GREM2: variants seen among roughly 807,000 people sequenced by gnomAD.
The protein encoded by GREM2 is gremlin 2, DAN family BMP antagonist.
GREM2 carries 11 observed loss-of-function variants against 14.2 expected under a neutral mutation model. The ratio of observed to expected loss-of-function variants is 0.78; its 90% CI spans 0.49 to 1.28. The LOEUF (loss-of-function observed/expected upper bound fraction) is 1.28, where lower values mean the gene tolerates loss of function less well. Among genes scored for constraint, GREM2 ranks in the 50% most tolerant of loss-of-function variants. GREM2 has a pLI of 0.00. For synonymous variants in GREM2, 98 were observed against 97.6 expected (o/e 1.00, Z -0.02); for missense variants, 210 against 218.5 (o/e 0.96, Z 0.24).
At chr1:240,511,796 GT>G (rs1371427036) in intron 1 of GREM2, among the ~76,000 whole-genome samples, 1 of 152,154 alleles carries the variant, frequency 6.6e-6, no homozygotes, top group Non-Finnish European at 1.5e-5. Context: ...GTGGATTTCA[GT>G]ATACTTGGAG....
chr1:240,579,527 C>A (rs1263171678), intron 1 of GREM2, among the ~76,000 whole-genome samples: 3 of 152,120 alleles, frequency 2.0e-5, no homozygotes, highest in Non-Finnish European at 4.4e-5. Flanking sequence ...AACAACAGAG[C>A]AAGCATTCTT....
chr1:240,602,141 C>T (rs1679936848), intron 1 of GREM2, among the ~76,000 whole-genome samples: 1 of 152,118 alleles, frequency 6.6e-6, no homozygotes, highest in Non-Finnish European at 1.5e-5. Context: ...AAACACTTTG[C>T]CTCCCTAGAA....
intron 1 of GREM2, among the ~76,000 whole-genome samples, chr1:240,512,728 G>T (rs987695029): frequency 1.3e-5 from 2 of 152,092 alleles, no homozygotes; most frequent in Admixed American, 6.6e-5. Flanking sequence ...TTCCATATAA[G>T]GTTTCATGTA....
chr1:240,516,800 ATTG>A (rs1677965790), intron 1 of GREM2, among the ~76,000 whole-genome samples: 1 of 152,160 alleles, frequency 6.6e-6, no homozygotes, highest in African/African-American at 2.4e-5. Flanking sequence ...CTGAGCCAGA[ATTG>A]TGGGTTTTAA....
Position 240,542,486 on chromosome 1 carries a change from G to A in GREM2, c.-1-49010C>T, listed in dbSNP as rs1281995464. ...AAAAATTAGCTGGGTGTGGTGGTGC[G>A]CACCTGTAGTCCCAGCTACTCGGGA... On this transcript the variant is annotated intron_variant, in intron 1 of 1. Coordinates refer to ENST00000318160, the MANE Select transcript of GREM2 (RefSeq NM_022469.4). The surrounding 1 kb of genome is among the most constrained non-coding windows in gnomAD (Gnocchi z 4.1). 2.0e-5 allele frequency among the ~76,000 whole-genome samples: 3 copies of A among 150,302 alleles called. No individual in the cohort carries two copies. Among genetic ancestry groups the A allele is most frequent in the South Asian group, 2.1e-4 (1 of 4,760 alleles).
chr1:240,560,446 AT>A (rs1301287933), intron 1 of GREM2, among the ~76,000 whole-genome samples: 4 of 152,286 alleles, frequency 2.6e-5, no homozygotes, highest in African/African-American at 9.6e-5. Context: ...GAGAGAGTGG[AT>A]TGATTCTCAC....
chr1:240,508,367 T>C (rs1309502725), intron 1 of GREM2, among the ~76,000 whole-genome samples: 3 of 152,192 alleles, frequency 2.0e-5, no homozygotes, highest in African/African-American at 7.2e-5. Flanking sequence ...GTTAGGAGAA[T>C]CAGTTCTTGG....
chr1:240,567,944 A>G (rs1372014728), intron 1 of GREM2, among the ~76,000 whole-genome samples: 1 of 152,088 alleles, frequency 6.6e-6, no homozygotes, highest in African/African-American at 2.4e-5. Context: ...CCCTGTCTCT[A>G]CTAAAAATAC....
intron 1 of GREM2, among the ~76,000 whole-genome samples, chr1:240,608,968 T>C (rs1680082997): frequency 6.6e-6 from 1 of 152,162 alleles, no homozygotes. Context: ...GTACATCAAA[T>C]GCATTTATTT....
intron 1 of GREM2, among the ~76,000 whole-genome samples, chr1:240,526,202 G>A (rs77046541): frequency 0.015 from 2,251 of 152,236 alleles, 46 homozygotes; most frequent in African/African-American, 0.051. Context: ...CATCTTTGGA[G>A]GGGGGCATTG....
chr1:240,553,212 C>T (rs1320589), intron 1 of GREM2, among the ~76,000 whole-genome samples: 24,213 of 152,102 alleles, frequency 0.16, 2,797 homozygotes, highest in African/African-American at 0.32. Flanking sequence ...TTATCGAGAG[C>T]GTTAGCATGA....
intron 1 of GREM2, among the ~76,000 whole-genome samples, chr1:240,538,141 G>T (rs192937596): frequency 2.0e-5 from 3 of 152,170 alleles, no homozygotes; most frequent in Non-Finnish European, 4.4e-5. Flanking sequence ...TCTTGACCAC[G>T]CTGATCTTAA....
chr1:240,493,816 C>A (rs1004758326), intron 1 of GREM2, among the ~76,000 whole-genome samples: 2 of 152,192 alleles, frequency 1.3e-5, no homozygotes, highest in African/African-American at 4.8e-5. Flanking sequence ...AGGCGTGAGC[C>A]ACCACGTCTT....
chr1:240,490,106 C>T lies in GREM2; in HGVS notation c.*2863G>A, dbSNP rs1337000220. Reference sequence around the variant, plus strand: ...CATGAGGAGTAAATGTGAAAATGAACAAAACTCAGAACAAGTGTGTCCCTG... The same window carrying T: ...CATGAGGAGTAAATGTGAAAATGAATAAAACTCAGAACAAGTGTGTCCCTG... On this transcript the variant is annotated 3_prime_UTR_variant, in exon 2 of 2. Transcript: ENST00000318160. 6.6e-6 allele frequency: 1 copy of T among 152,160 alleles called. No homozygotes were observed. Among genetic ancestry groups the T allele is most frequent in the Non-Finnish European group, 1.5e-5 (1 of 68,038 alleles). 9.4% of individuals were successfully genotyped at this position (152,160 alleles called of 1,614,324 possible). A position where few individuals can be genotyped will look rare whatever the true frequency, so the allele number is the denominator to read the frequency against.
At chr1:240,564,335 C>G (rs1173850155) in intron 1 of GREM2, among the ~76,000 whole-genome samples, 1 of 151,786 alleles carries the variant, frequency 6.6e-6, no homozygotes, top group Non-Finnish European at 1.5e-5. Flanking sequence ...GCTGAAACCC[C>G]ATCTCTACCA....
intron 1 of GREM2, among the ~76,000 whole-genome samples, chr1:240,572,024 C>T (rs1037079900): frequency 6.6e-6 from 1 of 152,156 alleles, no homozygotes; most frequent in African/African-American, 2.4e-5. Context: ...TGATTACACC[C>T]ACAGGGCCTC....
intron 1 of GREM2, among the ~76,000 whole-genome samples, chr1:240,571,329 G>A (rs188707667): frequency 1.8e-4 from 27 of 152,286 alleles, no homozygotes; most frequent in Admixed American, 7.8e-4. Context: ...AGAAAGGTTT[G>A]AATTGGCCAA....
intron 1 of GREM2, among the ~76,000 whole-genome samples, chr1:240,563,146 TGA>T (rs1491247905): frequency 1.5e-3 from 223 of 144,364 alleles, no homozygotes; most frequent in Middle Eastern, 3.5e-3. Context: ...TGTGTGTGTG[TGA>T]GTGTGTATGT....
chr1:240,547,469 C>T (rs1444551979), intron 1 of GREM2, among the ~76,000 whole-genome samples: 3 of 142,968 alleles, frequency 2.1e-5, no homozygotes, highest in Non-Finnish European at 4.5e-5. Context: ...CGCTGCACTC[C>T]AGCCTGGGCG....
Sources: allele counts gnomAD v4.1 joint callset (sites outside exome capture counted in the v4.1 genomes callset), GRCh38; gene constraint gnomAD v4.1.1; non-coding constraint Gnocchi (gnomAD v3.1); transcripts MANE v1.5; gene names NCBI Gene and HGNC (gene_info 2026-07-23, HGNC 2026-07-21).